The following R3HDM1 variants were observed in gnomAD, a reference collection of about 807,000 sequenced individuals.
R3HDM1 encodes R3H domain containing 1.
A neutral mutation model predicts 141.1 loss-of-function variants in R3HDM1; 46 were observed. That is an observed-to-expected ratio of 0.33 (90% confidence interval 0.26 to 0.42). R3HDM1 has a LOEUF of 0.42. Among genes scored for constraint, R3HDM1 ranks in the 10% least tolerant of loss-of-function variants. R3HDM1 has a pLI of 1.00. For synonymous variants in R3HDM1, 435 were observed against 472.9 expected, an observed-to-expected ratio of 0.92 and a Z score of 1.04; for missense variants, 1,184 against 1,368.3, an observed-to-expected ratio of 0.87 and a Z score of 2.12.
intron 18 of R3HDM1, among the ~76,000 whole-genome samples, chr2:135,655,989 T>C (rs902149767): frequency 6.6e-6 from 1 of 152,236 alleles, no homozygotes; most frequent in African/African-American, 2.4e-5. Flanking sequence ...GAGCATGGGA[T>C]GTTTTTTCGT....
chr2:135,536,343 A>G (rs1463702713), intron 1 of R3HDM1, among the ~76,000 whole-genome samples: 2 of 152,158 alleles, frequency 1.3e-5, no homozygotes, highest in African/African-American at 2.4e-5. Flanking sequence ...ACAGGTTCTT[A>G]CTGTGTTACC....
chr2:135,535,545 T>TAAATAC (rs1559073981), intron 1 of R3HDM1, among the ~76,000 whole-genome samples: 1 of 134,270 alleles, frequency 7.4e-6, no homozygotes, highest in African/African-American at 3.7e-5. Context: ...TAAATAAATA[T>TAAATAC]GAGATGGCTG....
intron 1 of R3HDM1, chr2:135,577,044 GAAAA>G (rs1158925019): frequency 3.3e-5 from 22 of 659,880 alleles, no homozygotes; most frequent in African/African-American, 7.5e-5. Context: ...TGTTACAAAA[GAAAA>G]AAAAAAAACC....
intron 15 of R3HDM1, among the ~76,000 whole-genome samples, chr2:135,644,731 C>T (rs2105258392): frequency 6.6e-6 from 1 of 152,140 alleles, no homozygotes; most frequent in South Asian, 2.1e-4. Flanking sequence ...TGAAATATAG[C>T]CTTATAGGAC....
chr2:135,600,103 A>ATTTTTTTT (rs1047714227), intron 1 of R3HDM1, among the ~76,000 whole-genome samples: 11 of 93,476 alleles, frequency 1.2e-4, no homozygotes, highest in African/African-American at 1.9e-4. Context: ...AGTTCGTATG[A>ATTTTTTTT]TTTTTTTTTT....
At chr2:135,560,048 AT>A (rs1433347787) in intron 1 of R3HDM1, among the ~76,000 whole-genome samples, 6 of 152,086 alleles carry the variant, frequency 3.9e-5, no homozygotes, top group Non-Finnish European at 8.8e-5. Context: ...CAAATGACAA[AT>A]TTTCCCTGCA....
In R3HDM1 at chr2:135,707,028, T is replaced by C. The variant is rs937610083; in HGVS notation, c.2460-2405T>C. Reference sequence around the variant, plus strand: ...GGGGCTGACCCCCCCACCTCCCTCCTGGACGGGGCGGCTGGCTGGGCGGGG... The same window carrying C: ...GGGGCTGACCCCCCCACCTCCCTCCCGGACGGGGCGGCTGGCTGGGCGGGG... On this transcript the variant is annotated intron_variant, in intron 21 of 26. Transcript: ENST00000683871. Among the ~76,000 whole-genome samples, 4 of 151,848 alleles carry C rather than the reference T, an allele frequency of 2.6e-5. No homozygotes were observed. The East Asian group carries it at 5.8e-4, about 22-fold the overall frequency.
chr2:135,537,291 T>C (rs1696386052), intron 1 of R3HDM1, among the ~76,000 whole-genome samples: 1 of 138,952 alleles, frequency 7.2e-6, no homozygotes, highest in Admixed American at 7.1e-5. Flanking sequence ...TTTTTTTTTT[T>C]TTTTTTTTTT....
In R3HDM1 at chr2:135,675,457, A is replaced by C. The variant is rs754991019; in HGVS notation, c.2278A>C (p.Ile760Leu). ...TGGAAATCAGATTCAAGGAGTGGTC[A>C]TCCCCTATACTTCAGTGCCAACATA... is the stretch of plus-strand genomic sequence containing the variant. ...SIGNQIQGVVIPYTSVPTYQV... is the reference protein window; with the variant it reads ...SIGNQIQGVVLPYTSVPTYQV... The change falls in exon 20 of 27, where the codon ATC becomes CTC. Residue 760 changes from isoleucine (I) to leucine (L), a missense_variant. Ile to Leu is a conservative substitution (Grantham distance 5). Transcript: ENST00000683871. 3 of 1,614,000 alleles carry C rather than the reference A, an allele frequency of 1.9e-6. No individual in the cohort carries two copies. The highest frequency in any genetic ancestry group is 2.5e-6 in the Non-Finnish European group (3 of 1,179,890).
At chr2:135,716,512 G>A (rs1362402956) in intron 24 of R3HDM1, among the ~76,000 whole-genome samples, 1 of 152,170 alleles carries the variant, frequency 6.6e-6, no homozygotes, top group East Asian at 1.9e-4. Flanking sequence ...TAAGGATAAT[G>A]CACACAAAGA....
intron 1 of R3HDM1, among the ~76,000 whole-genome samples, chr2:135,568,259 G>C (rs974309413): frequency 2.0e-5 from 3 of 149,894 alleles, no homozygotes; most frequent in South Asian, 4.2e-4. Flanking sequence ...TGTTGCCCAG[G>C]CTGGTCTCAA....
At chr2:135,690,953 C>T (rs948935716) in intron 21 of R3HDM1, among the ~76,000 whole-genome samples, 2 of 152,054 alleles carry the variant, frequency 1.3e-5, no homozygotes. Flanking sequence ...ATGAAAAAAC[C>T]TCTTTATCCA....
At position 135,722,631 on chromosome 2, in the gene R3HDM1, G is replaced by A. The variant is rs1383716155; in HGVS notation, c.3049+78G>A. The A allele has an allele frequency of 2.2e-6, 3 of 1,373,256 alleles. No individual in the cohort carries two copies. The African/African-American group carries it at 4.3e-5, about 20-fold the overall frequency. 85.1% of individuals were successfully genotyped at this position (1,373,256 alleles called of 1,614,324 possible). A position where few individuals can be genotyped will look rare whatever the true frequency, so the allele number is the denominator to read the frequency against. ...AAAATACACCACAGCACAGAAATGGGTTTTCCTCTTCCTAGAATCCTGCAA... is the reference window on the plus strand; with the variant it reads ...AAAATACACCACAGCACAGAAATGGATTTTCCTCTTCCTAGAATCCTGCAA... On this transcript the variant is annotated intron_variant, in intron 26 of 26. Coordinates refer to ENST00000683871, the MANE Select transcript of R3HDM1 (RefSeq NM_001378107.1).
At chr2:135,669,672 G>A in intron 19 of R3HDM1, 1 of 741,858 alleles carries the variant, frequency 1.3e-6, no homozygotes, top group Non-Finnish European at 1.6e-6. Context: ...GATAGCTGTT[G>A]ATCATAGAGA....
chr2:135,617,516 A>G (rs2061154285), intron 5 of R3HDM1, among the ~76,000 whole-genome samples: 1 of 152,090 alleles, frequency 6.6e-6, no homozygotes, highest in African/African-American at 2.4e-5. Flanking sequence ...CAATTTTCAT[A>G]TTAGCTTGGC....
intron 1 of R3HDM1, among the ~76,000 whole-genome samples, chr2:135,575,200 C>T (rs911852453): frequency 1.3e-5 from 2 of 152,138 alleles, no homozygotes; most frequent in Non-Finnish European, 2.9e-5. Context: ...ATTCAAAATA[C>T]CTCGACCCAA....
intron 1 of R3HDM1, chr2:135,577,149 G>GA: frequency 5.1e-6 from 5 of 980,160 alleles, no homozygotes; most frequent in Non-Finnish European, 6.1e-6. Context: ...CTTTGTGTAT[G>GA]AAAAAGGCTT....
At chr2:135,612,593 G>T (rs373127720) in intron 3 of R3HDM1, among the ~76,000 whole-genome samples, 3 of 151,534 alleles carry the variant, frequency 2.0e-5, no homozygotes, top group African/African-American at 7.3e-5. Context: ...CCATTTTTTC[G>T]CCTAGTTCCT....
intron 21 of R3HDM1, among the ~76,000 whole-genome samples, chr2:135,698,071 A>AT (rs2073541601): frequency 6.6e-6 from 1 of 150,832 alleles, no homozygotes; most frequent in South Asian, 2.1e-4. Context: ...AAAAAAAAAA[A>AT]GTAAGTGCTC....
Sources: allele counts gnomAD v4.1 joint callset (sites outside exome capture counted in the v4.1 genomes callset), GRCh38; gene constraint gnomAD v4.1.1; transcripts MANE v1.5; gene names NCBI Gene and HGNC (gene_info 2026-07-23, HGNC 2026-07-21).